TMEM51: variants seen among roughly 807,000 people sequenced by gnomAD.
TMEM51 encodes the protein chromosome 1 open reading frame 72.
A neutral mutation model predicts 13.6 loss-of-function variants in TMEM51; 8 were observed. The observed-to-expected ratio is 0.59, with a 90% CI of 0.35 to 1.07. TMEM51 has a LOEUF of 1.07. Ranked by LOEUF, TMEM51 falls within the 50% of genes least tolerant of loss-of-function variation. The pLI, the probability that TMEM51 is intolerant of heterozygous loss-of-function variation, is 0.02. For synonymous variants in TMEM51, 147 were observed against 144.4 expected (o/e 1.02, Z -0.13); for missense variants, 279 against 330.7 (o/e 0.84, Z 1.21).
At chr1:15,191,354 A>G (rs1443718429) in intron 1 of TMEM51, among the ~76,000 whole-genome samples, 1 of 152,226 alleles carries the variant, frequency 6.6e-6, no homozygotes, top group African/African-American at 2.4e-5. Context: ...GCTTGAAGCC[A>G]CAAGTTGGTG....
chr1:15,201,009 C>A (rs945082696), intron 1 of TMEM51, among the ~76,000 whole-genome samples: 1 of 152,196 alleles, frequency 6.6e-6, no homozygotes, highest in Non-Finnish European at 1.5e-5. Flanking sequence ...CTGTATATGG[C>A]ACCTGCCAGC....
chr1:15,169,835 G>T (rs575869096), intron 1 of TMEM51, among the ~76,000 whole-genome samples: 6 of 152,054 alleles, frequency 3.9e-5, no homozygotes, highest in African/African-American at 1.4e-4. Context: ...TCCCTAATAC[G>T]CAAAGAATAA....
At chr1:15,164,835 G>A (rs1240177502) in intron 1 of TMEM51, among the ~76,000 whole-genome samples, 4 of 124,494 alleles carry the variant, frequency 3.2e-5, no homozygotes, top group East Asian at 4.6e-4. Context: ...ACGGAGTCTC[G>A]CTCTGTCGCC....
Position 15,215,094 on chromosome 1 carries a change from GC to G in TMEM51, c.10del (p.Gln4SerfsTer11). 3 of 1,603,642 alleles carry G rather than the reference GC, an allele frequency of 1.9e-6. No individual in the cohort carries two copies. Among genetic ancestry groups the G allele is most frequent in the Non-Finnish European group, 2.6e-6 (3 of 1,172,018 alleles). MM[A>X]QSKANGSHYA... ...TCGCCCTCCTCCCACTGACATGATG[GC>G]CCAGTCCAAGGCCAATGGCTCGCAC... On this transcript the variant is annotated frameshift_variant, in exon 3 of 4. Coordinates refer to ENST00000376008, the MANE Select transcript of TMEM51 (RefSeq NM_001136218.2). LOFTEE classifies it high-confidence loss of function.
intron 1 of TMEM51, among the ~76,000 whole-genome samples, chr1:15,198,986 A>C (rs1644102449): frequency 6.6e-6 from 1 of 152,108 alleles, no homozygotes; most frequent in South Asian, 2.1e-4. Flanking sequence ...AAAAACACCC[A>C]AGATGTGCCC....
At chr1:15,180,087 C>A (rs578247051) in intron 1 of TMEM51, among the ~76,000 whole-genome samples, 14 of 152,292 alleles carry the variant, frequency 9.2e-5, no homozygotes, top group African/African-American at 3.1e-4. Flanking sequence ...AGGGTGTGGC[C>A]CACGAGCATC....
intron 1 of TMEM51, 138 bp from the exon 2 acceptor site, chr1:15,210,352 T>C (rs1044761778): frequency 2.6e-5 from 4 of 152,232 alleles, no homozygotes; most frequent in Admixed American, 2.6e-4. Flanking sequence ...GTACCACTTG[T>C]CTTGCATAGA....
intron 1 of TMEM51, among the ~76,000 whole-genome samples, chr1:15,181,019 G>A (rs1219936711): frequency 2.0e-5 from 3 of 152,138 alleles, no homozygotes; most frequent in Non-Finnish European, 2.9e-5. Flanking sequence ...AGAATCCATC[G>A]CTGGCTGAGT....
At chr1:15,191,973 G>A (rs10737908) in intron 1 of TMEM51, 418,722 of 532,216 alleles carry the variant, frequency 0.79, 165,757 homozygotes, top group East Asian at 0.96. Flanking sequence ...GTGAAGCTGC[G>A]TCTACAACAG....
Position 15,215,202 on chromosome 1 carries a change from G to T in TMEM51, c.115G>T (p.Ala39Ser). 6.2e-7 allele frequency: 1 copy of T among 1,614,206 alleles called. No homozygotes were observed. Among genetic ancestry groups the T allele is most frequent in the South Asian group, 1.1e-5 (1 of 91,078 alleles). ...GTGGAACCTGGTACCCGGCTTCAGC[G>T]CGGCCGAGAAGCCAACAGCTCAGGG... ...AMWNLVPGFS[A>S]AEKPTAQGSN... The change falls in exon 3 of 4, where the codon GCG becomes TCG. Residue 39 changes from alanine (A) to serine (S), a missense_variant. Ala to Ser is a moderately conservative substitution (Grantham distance 99). Transcript: ENST00000376008.
chr1:15,163,021 G>A (rs1642841980), intron 1 of TMEM51, among the ~76,000 whole-genome samples: 1 of 151,980 alleles, frequency 6.6e-6, no homozygotes, highest in African/African-American at 2.4e-5. Context: ...TTTATGTTAT[G>A]TGCATTTTAT....
chr1:15,203,176 T>A (rs1157745584), intron 1 of TMEM51, among the ~76,000 whole-genome samples: 3 of 152,168 alleles, frequency 2.0e-5, no homozygotes, highest in African/African-American at 7.2e-5. Context: ...CCCCAGGTAT[T>A]CATGTGATTC....
chr1:15,214,768 G>T, intron 2 of TMEM51, 127 bp from the exon 3 acceptor site: 1 of 304,838 alleles, frequency 3.3e-6, no homozygotes, highest in Non-Finnish European at 6.1e-6. Context: ...CATCAAAGGC[G>T]AGGCCCAGCC....
At chr1:15,188,291 C>CA (rs1491093581) in intron 1 of TMEM51, among the ~76,000 whole-genome samples, 7 of 152,320 alleles carry the variant, frequency 4.6e-5, no homozygotes, top group Admixed American at 2.6e-4. Context: ...AGGGAAGTCT[C>CA]AGTGTTTCCC....
At chr1:15,181,729 T>A (rs1396931489) in intron 1 of TMEM51, among the ~76,000 whole-genome samples, 1 of 152,258 alleles carries the variant, frequency 6.6e-6, no homozygotes, top group Non-Finnish European at 1.5e-5. Context: ...GTTTTGCCTG[T>A]GTTGTGGGAA....
rs61547260 is a variant in TMEM51, at chr1:15,220,015, T to C, written c.*272T>C. On this transcript the variant is annotated 3_prime_UTR_variant, in exon 4 of 4. Transcript: ENST00000376008. ...AGGGTGTGGCACAGGCATCTTCCCA[T>C]CCTTTTCACTCCGAATCGCTGGCGA... The C allele has an allele frequency of 0.013, 5,759 of 432,700 alleles. 259 individuals are homozygous for C. The highest frequency in any genetic ancestry group is 0.1 in the African/African-American group (5,135 of 51,260). 26.8% of individuals were successfully genotyped at this position (432,700 alleles called of 1,614,324 possible).
At chr1:15,203,300 C>T (rs895065372) in intron 1 of TMEM51, among the ~76,000 whole-genome samples, 13 of 152,324 alleles carry the variant, frequency 8.5e-5, no homozygotes, top group Middle Eastern at 3.4e-3. Context: ...GTCACCCAGG[C>T]TGGAGTGCAG....
chr1:15,170,127 T>C (rs1439967083), intron 1 of TMEM51, among the ~76,000 whole-genome samples: 1 of 150,600 alleles, frequency 6.6e-6, no homozygotes, highest in Non-Finnish European at 1.5e-5. Context: ...ACATGCTCAA[T>C]ACATTTTTAG....
intron 1 of TMEM51, among the ~76,000 whole-genome samples, chr1:15,159,662 T>G (rs1377355258): frequency 1.3e-5 from 2 of 152,164 alleles, no homozygotes; most frequent in East Asian, 1.9e-4. Flanking sequence ...GTTCAAGCGA[T>G]TCTCCTACCT....
Sources: allele counts gnomAD v4.1 joint callset (sites outside exome capture counted in the v4.1 genomes callset), GRCh38; gene constraint gnomAD v4.1.1; transcripts MANE v1.5; gene names NCBI Gene and HGNC (gene_info 2026-07-23, HGNC 2026-07-21).